NTRK3: variants seen among roughly 807,000 people sequenced by gnomAD.
NTRK3 encodes the protein NT-3 growth factor receptor.
In NTRK3, 24 loss-of-function variants were observed where a neutral mutation model predicts 91.7. The ratio of observed to expected loss-of-function variants is 0.26; its 90% CI spans 0.19 to 0.37. The LOEUF is 0.37. NTRK3 is among the 10% of genes least tolerant of loss of function. The probability of loss-of-function intolerance (pLI) is 1.00; values close to 1 mark genes in which losing one functional copy is unlikely to be tolerated. For synonymous variants in NTRK3, 483 were observed against 404.0 expected (o/e 1.20, Z -2.34); for missense variants, 880 against 1,068.9 (o/e 0.82, Z 2.46).
At chr15:87,933,527 G>T (rs1167619919) in intron 15 of NTRK3, among the ~76,000 whole-genome samples, 1 of 152,258 alleles carries the variant, frequency 6.6e-6, no homozygotes, top group African/African-American at 2.4e-5. Flanking sequence ...AAAAGCCCCT[G>T]CTCCTAAGGT....
chr15:87,868,092 C>T (rs2064735996), exon 19 of NTRK3: 1 of 231,602 alleles, frequency 4.3e-6, no homozygotes, highest in Non-Finnish European at 8.5e-6. Context: ...TGCATGCACA[C>T]AAAGATCAAC....
intron 5 of NTRK3, among the ~76,000 whole-genome samples, chr15:88,165,826 T>C (rs17830422): frequency 0.041 from 6,193 of 152,262 alleles, 156 homozygotes; most frequent in Non-Finnish European, 0.066. Flanking sequence ...ATCCACACCC[T>C]TGTCATGACA....
chr15:88,130,310 A>G (rs534478003), intron 10 of NTRK3, among the ~76,000 whole-genome samples: 134 of 152,356 alleles, frequency 8.8e-4, no homozygotes, highest in African/African-American at 3.1e-3. Context: ...CTGATTTTTA[A>G]ATGTAGAAGG....
chr15:87,879,548 C>A (rs1183412948), intron 18 of NTRK3, among the ~76,000 whole-genome samples: 1 of 152,094 alleles, frequency 6.6e-6, no homozygotes, highest in Non-Finnish European at 1.5e-5. Flanking sequence ...TCAAGCAGAC[C>A]CCCTTCCTTT....
chr15:87,906,622 A>G (rs1381322086), intron 17 of NTRK3, among the ~76,000 whole-genome samples: 2 of 152,152 alleles, frequency 1.3e-5, no homozygotes, highest in African/African-American at 4.8e-5. Flanking sequence ...TTCAGATACG[A>G]TTTCATCCAT....
intron 14 of NTRK3, among the ~76,000 whole-genome samples, chr15:88,026,910 G>GGGGTAATAA (rs2078087065): frequency 6.6e-6 from 1 of 152,154 alleles, no homozygotes; most frequent in Non-Finnish European, 1.5e-5. Flanking sequence ...AATTCAGAGA[G>GGGGTAATAA]GGGTAATAAG....
chr15:88,232,240 C>G (rs1412060458), intron 3 of NTRK3, among the ~76,000 whole-genome samples: 1 of 152,154 alleles, frequency 6.6e-6, no homozygotes, highest in Non-Finnish European at 1.5e-5. Flanking sequence ...TAGGCACCAT[C>G]CTCAAAGTTT....
At chr15:87,993,170 G>A (rs1202911992) in intron 14 of NTRK3, among the ~76,000 whole-genome samples, 1 of 152,202 alleles carries the variant, frequency 6.6e-6, no homozygotes, top group African/African-American at 2.4e-5. Context: ...TGCTACCCCA[G>A]GGTGCTCAAC....
At chr15:87,896,150 C>G (rs1264685100) in intron 17 of NTRK3, among the ~76,000 whole-genome samples, 1 of 152,198 alleles carries the variant, frequency 6.6e-6, no homozygotes, top group African/African-American at 2.4e-5. Context: ...GCCATGGTCA[C>G]TCATATTTGG....
intron 3 of NTRK3, among the ~76,000 whole-genome samples, chr15:88,204,899 T>C (rs1016923649): frequency 6.6e-6 from 1 of 152,090 alleles, no homozygotes; most frequent in Non-Finnish European, 1.5e-5. Context: ...CCCTCTCCCA[T>C]TGGATCAAAC....
At chr15:87,908,598 G>T in intron 17 of NTRK3, 1 of 399,642 alleles carries the variant, frequency 2.5e-6, no homozygotes, top group South Asian at 1.3e-4. Context: ...TGGGAAGGGG[G>T]AGAGAGAAGA....
At chr15:88,082,023 C>T (rs1393630313) in intron 13 of NTRK3, among the ~76,000 whole-genome samples, 1 of 152,144 alleles carries the variant, frequency 6.6e-6, no homozygotes, top group Admixed American at 6.5e-5. Context: ...AAAGGTTCAC[C>T]TCCAGCACTT....
At chr15:88,061,321 G>T (rs1023768683) in intron 13 of NTRK3, among the ~76,000 whole-genome samples, 7 of 152,206 alleles carry the variant, frequency 4.6e-5, no homozygotes, top group African/African-American at 1.7e-4. Context: ...CCATCAAATG[G>T]AGCTCCGAGG....
At chr15:87,980,438 T>C (rs2074139074) in intron 14 of NTRK3, among the ~76,000 whole-genome samples, 1 of 152,214 alleles carries the variant, frequency 6.6e-6, no homozygotes, top group Non-Finnish European at 1.5e-5. Flanking sequence ...TATGTTTGTG[T>C]TTGCATGTGT....
At chr15:88,095,002 T>C (rs1344198982) in intron 13 of NTRK3, among the ~76,000 whole-genome samples, 1 of 152,228 alleles carries the variant, frequency 6.6e-6, no homozygotes, top group African/African-American at 2.4e-5. Flanking sequence ...AAGCAATGGC[T>C]TCCAATACCC....
intron 17 of NTRK3, chr15:87,928,552 A>T (rs2068523438): frequency 6.4e-6 from 1 of 156,390 alleles, no homozygotes; most frequent in African/African-American, 2.4e-5. Context: ...ACTGAGCAGG[A>T]TGGATCTTCT....
chr15:88,184,122 G>A (rs548782245), intron 4 of NTRK3, 103 bp downstream of exon 4: 135 of 1,114,948 alleles, frequency 1.2e-4, no homozygotes, highest in East Asian at 1.8e-4. Context: ...GAGAAAGCAC[G>A]GATGGCAGTC....
In NTRK3 at chr15:88,033,216, A is replaced by AT. The variant is rs1567262261; in HGVS notation, c.1397-172_1397-171insA. Among the ~76,000 whole-genome samples the AT allele has an allele frequency of 7.2e-4, 88 of 121,914 alleles. 1 individual carries two copies. Among genetic ancestry groups the AT allele is most frequent in the South Asian group, 1.6e-3 (6 of 3,638 alleles). The allele number at this position is 121,914 out of a possible 152,430, so 80.0% of individuals were successfully genotyped here. A position where few individuals can be genotyped will look rare whatever the true frequency, so the allele number is the denominator to read the frequency against. On this transcript the variant is annotated intron_variant, in intron 13 of 18. Coordinates refer to ENST00000394480, the Ensembl canonical transcript of NTRK3. ...TATATATATATATATATATATATAT[A>AT]AATTCAGTTGTTTGGGTTTCTGGTG...
intron 16 of NTRK3, among the ~76,000 whole-genome samples, chr15:87,932,634 G>C (rs2068904445): frequency 6.6e-6 from 1 of 152,132 alleles, no homozygotes; most frequent in Non-Finnish European, 1.5e-5. Flanking sequence ...TTGCAAGTGA[G>C]AAACTTAAGG....
Sources: gnomAD v4.1 joint callset for allele counts (sites outside exome capture counted in the v4.1 genomes callset) on GRCh38, gnomAD v4.1.1 for gene constraint, MANE v1.5 for transcripts, NCBI Gene and HGNC (gene_info 2026-07-23, HGNC 2026-07-21) for gene names.